The following PTPRT variants were observed in gnomAD, a reference collection of about 807,000 sequenced individuals.
PTPRT encodes the protein protein tyrosine phosphatase receptor type T.
In PTPRT, 56 loss-of-function variants were observed where a neutral mutation model predicts 176.8. The ratio of observed to expected loss-of-function variants is 0.32; its 90% CI spans 0.26 to 0.40. The LOEUF (loss-of-function observed/expected upper bound fraction) is 0.40. PTPRT is among the 10% of genes least tolerant of loss of function. The pLI is 1.00. For synonymous variants in PTPRT, 783 were observed against 739.0 expected, an observed-to-expected ratio of 1.06 and a Z score of -0.96; for missense variants, 1,540 against 1,908.2, an observed-to-expected ratio of 0.81 and a Z score of 3.60.
intron 14 of PTPRT, among the ~76,000 whole-genome samples, chr20:42,245,781 T>G (rs1211508913): frequency 2.6e-5 from 4 of 152,122 alleles, no homozygotes. Context: ...ACATCTTATG[T>G]TTCTGGAAAC....
intron 7 of PTPRT, among the ~76,000 whole-genome samples, chr20:42,646,314 C>A (rs1320607821): frequency 6.6e-6 from 1 of 152,148 alleles, no homozygotes; most frequent in Non-Finnish European, 1.5e-5. Flanking sequence ...GACCATGGAC[C>A]AAATCCAGCT....
At chr20:42,274,748 T>C (rs977926652) in intron 13 of PTPRT, among the ~76,000 whole-genome samples, 4 of 152,086 alleles carry the variant, frequency 2.6e-5, no homozygotes, top group Non-Finnish European at 4.4e-5. Context: ...AATTTTTTGG[T>C]TTATTAGCTT....
intron 5 of PTPRT, among the ~76,000 whole-genome samples, chr20:42,768,300 G>C (rs2077014153): frequency 6.6e-6 from 1 of 151,982 alleles, no homozygotes; most frequent in Non-Finnish European, 1.5e-5. Flanking sequence ...ATAGCCTCTT[G>C]CCCACTTCAC....
At chr20:42,845,797 T>C (rs1331560665) in intron 2 of PTPRT, among the ~76,000 whole-genome samples, 2 of 152,152 alleles carry the variant, frequency 1.3e-5, no homozygotes, top group Admixed American at 1.3e-4. Flanking sequence ...AAATCAGAGA[T>C]AGCACAAGCT....
chr20:42,290,345 G>T (rs2147084153), intron 12 of PTPRT, among the ~76,000 whole-genome samples: 1 of 152,040 alleles, frequency 6.6e-6, no homozygotes, highest in Admixed American at 6.6e-5. Context: ...AATCACCCTG[G>T]GGTAGAACAC....
At chr20:42,655,470 G>C (rs1299046578) in intron 7 of PTPRT, among the ~76,000 whole-genome samples, 1 of 152,192 alleles carries the variant, frequency 6.6e-6, no homozygotes, top group Non-Finnish European at 1.5e-5. Context: ...CAGCCTGGGT[G>C]ACAGAGCAAG....
intron 6 of PTPRT, among the ~76,000 whole-genome samples, chr20:42,690,266 G>A (rs181823124): frequency 3.3e-5 from 5 of 152,270 alleles, no homozygotes; most frequent in Admixed American, 2.6e-4. Flanking sequence ...GTGGTGTCAC[G>A]TAGGCACAAG....
At chr20:43,111,007 TC>T (rs1270656932) in intron 1 of PTPRT, among the ~76,000 whole-genome samples, 4 of 152,074 alleles carry the variant, frequency 2.6e-5, no homozygotes, top group Admixed American at 1.3e-4. Flanking sequence ...CCAATATTTA[TC>T]ATGCATCTAC....
intron 2 of PTPRT, among the ~76,000 whole-genome samples, chr20:42,835,033 A>G (rs945032000): frequency 6.6e-6 from 1 of 152,204 alleles, no homozygotes; most frequent in Admixed American, 6.5e-5. Context: ...AGAATGAGAA[A>G]GTAAACCCCA....
intron 1 of PTPRT, among the ~76,000 whole-genome samples, chr20:43,044,137 T>C (rs1318056236): frequency 1.3e-5 from 2 of 152,018 alleles, no homozygotes; most frequent in East Asian, 3.9e-4. Context: ...AGAAAATGAT[T>C]AGGCTGAATT....
rs560832705 is a variant in PTPRT, at chr20:42,221,886, G to A, written c.2342+14343C>T. Among the ~76,000 whole-genome samples, 6 of 152,212 alleles carry A rather than the reference G, an allele frequency of 3.9e-5. 1 individual carries two copies. Among genetic ancestry groups the A allele is most frequent in the Admixed American group, 2.0e-4 (3 of 15,290 alleles). ...CTCACTATCATGAGAATAGCATGGAGGGAAACCACCCCCAAGATCCAGTCA... is the reference window on the plus strand; with the variant it reads ...CTCACTATCATGAGAATAGCATGGAAGGAAACCACCCCCAAGATCCAGTCA... On this transcript the variant is annotated intron_variant, in intron 15 of 30. Transcript: ENST00000373187.
At chr20:42,190,130 A>G (rs13433345) in intron 16 of PTPRT, among the ~76,000 whole-genome samples, 1,479 of 143,182 alleles carry the variant, frequency 0.01, 24 homozygotes, top group African/African-American at 0.037. Flanking sequence ...AGCTTGTAAC[A>G]TTCAATTCTT....
At chr20:42,901,994 T>C (rs2079411267) in intron 1 of PTPRT, among the ~76,000 whole-genome samples, 1 of 152,158 alleles carries the variant, frequency 6.6e-6, no homozygotes, top group South Asian at 2.1e-4. Context: ...AAGACTGAAA[T>C]ATTTACTATC....
chr20:42,521,869 C>T (rs977464461), intron 7 of PTPRT, among the ~76,000 whole-genome samples: 7 of 151,922 alleles, frequency 4.6e-5, no homozygotes, highest in African/African-American at 9.7e-5. Context: ...TTTTGTATGA[C>T]TTAGTCGTTT....
At chr20:42,841,610 T>TACACACACACACAC (rs3973897) in intron 2 of PTPRT, among the ~76,000 whole-genome samples, 26 of 140,908 alleles carry the variant, frequency 1.8e-4, no homozygotes. Flanking sequence ...TAGTGTTAAA[T>TACACACACACACAC]ACACACACAC....
chr20:43,003,280 G>A (rs1252212204), intron 1 of PTPRT, among the ~76,000 whole-genome samples: 1 of 152,158 alleles, frequency 6.6e-6, no homozygotes, highest in Non-Finnish European at 1.5e-5. Context: ...TCTACCAACT[G>A]GGCTCAAGCA....
At chr20:42,692,706 A>C (rs780215610) in intron 6 of PTPRT, among the ~76,000 whole-genome samples, 1 of 152,206 alleles carries the variant, frequency 6.6e-6, no homozygotes, top group Non-Finnish European at 1.5e-5. Context: ...TGAAGTAATA[A>C]AGCTTTCATT....
At chr20:42,721,549 A>C (rs1362893837) in intron 6 of PTPRT, among the ~76,000 whole-genome samples, 3 of 152,240 alleles carry the variant, frequency 2.0e-5, no homozygotes. Flanking sequence ...GTGGATACAC[A>C]GCCATGCTGA....
chr20:42,206,487 G>A (rs1387208839), intron 15 of PTPRT, among the ~76,000 whole-genome samples: 1 of 152,200 alleles, frequency 6.6e-6, no homozygotes, highest in East Asian at 1.9e-4. Flanking sequence ...AAGGGGTCAG[G>A]GAGTTCCCTT....
Sources: allele counts gnomAD v4.1 joint callset (sites outside exome capture counted in the v4.1 genomes callset), GRCh38; gene constraint gnomAD v4.1.1; transcripts MANE v1.5; gene names NCBI Gene and HGNC (gene_info 2026-07-23, HGNC 2026-07-21).